The following UVRAG variants were observed in gnomAD, a reference collection of about 807,000 sequenced individuals.
UVRAG encodes UV radiation resistance associated.
Under a neutral mutation model 78.0 loss-of-function variants are expected in UVRAG, and 19 were observed. The ratio of observed to expected loss-of-function variants is 0.24; its 90% CI spans 0.17 to 0.36. UVRAG has a LOEUF of 0.36. UVRAG is among the 10% of genes least tolerant of loss of function. UVRAG has a pLI of 1.00. For synonymous variants in UVRAG, 323 were observed against 324.6 expected, an observed-to-expected ratio of 1.00 and a Z score of 0.05; for missense variants, 740 against 853.8, an observed-to-expected ratio of 0.87 and a Z score of 1.66.
intron 6 of UVRAG, among the ~76,000 whole-genome samples, chr11:75,928,380 AC>A (rs1451323596): frequency 6.6e-6 from 1 of 152,230 alleles, no homozygotes; most frequent in East Asian, 1.9e-4. Context: ...GAGGAGAAGG[AC>A]GGCTAATGAG....
chr11:75,839,368 C>T (rs1453008118), intron 1 of UVRAG, among the ~76,000 whole-genome samples: 4 of 151,482 alleles, frequency 2.6e-5, no homozygotes. Context: ...CATTTTTAGA[C>T]CTTTGTGTTT....
Position 76,062,115 on chromosome 11 carries a change from A to G in UVRAG, c.1227-3595A>G, listed in dbSNP as rs1156417455. On this transcript the variant is annotated intron_variant, in intron 12 of 14. Transcript: ENST00000356136. ...CAGGCATTGCCCGGCTTGTGGCTGC[A>G]TAACTAAGCTCTGCCTCCATCTGCA... 2.0e-5 allele frequency among the ~76,000 whole-genome samples: 3 copies of G among 152,282 alleles called. No individual in the cohort carries two copies. The East Asian group carries it at 5.8e-4, about 29-fold the overall frequency.
At chr11:76,053,821 T>A (rs1279684152) in intron 12 of UVRAG, among the ~76,000 whole-genome samples, 1 of 151,976 alleles carries the variant, frequency 6.6e-6, no homozygotes, top group Non-Finnish European at 1.5e-5. Flanking sequence ...ATACAAAAAA[T>A]TAGCCACACA....
At chr11:75,890,966 G>GT (rs1024376346) in intron 5 of UVRAG, among the ~76,000 whole-genome samples, 11 of 152,016 alleles carry the variant, frequency 7.2e-5, no homozygotes, top group African/African-American at 2.2e-4. Context: ...CTTTTTGCTT[G>GT]TTTTTTTAAG....
chr11:75,913,995 A>G (rs1947794249), intron 6 of UVRAG, among the ~76,000 whole-genome samples: 1 of 152,226 alleles, frequency 6.6e-6, no homozygotes, highest in Non-Finnish European at 1.5e-5. Context: ...TGCCTATTGT[A>G]CAATTCATGC....
intron 8 of UVRAG, among the ~76,000 whole-genome samples, chr11:75,992,472 T>G (rs1292811853): frequency 1.3e-5 from 2 of 152,212 alleles, no homozygotes; most frequent in African/African-American, 4.8e-5. Context: ...GGTTAGGATC[T>G]AATGTTGATA....
intron 1 of UVRAG, among the ~76,000 whole-genome samples, chr11:75,823,886 A>G (rs548347334): frequency 9.9e-5 from 15 of 152,174 alleles, no homozygotes; most frequent in Non-Finnish European, 1.8e-4. Flanking sequence ...GCCTAAAGAG[A>G]ACAAGGAAAG....
intron 6 of UVRAG, among the ~76,000 whole-genome samples, chr11:75,959,986 T>C (rs1166767636): frequency 1.3e-5 from 2 of 152,208 alleles, no homozygotes; most frequent in Non-Finnish European, 2.9e-5. Context: ...CACTATCTTA[T>C]ACGGGTACAG....
chr11:75,917,320 CAT>C (rs897807902), intron 6 of UVRAG, among the ~76,000 whole-genome samples: 21 of 152,274 alleles, frequency 1.4e-4, no homozygotes, highest in African/African-American at 2.9e-4. Context: ...AAATATTTAA[CAT>C]GTGTGTGTCT....
At chr11:75,957,115 T>C (rs1948814374) in intron 6 of UVRAG, among the ~76,000 whole-genome samples, 1 of 152,166 alleles carries the variant, frequency 6.6e-6, no homozygotes, top group Non-Finnish European at 1.5e-5. Flanking sequence ...ATTCTTTTTA[T>C]GTCTTCTCTA....
At position 75,888,901 on chromosome 11, in the gene UVRAG, A is replaced by G. The variant is rs1947153714; in HGVS notation, c.505A>G (p.Lys169Glu). 2 of 1,612,250 alleles carry G rather than the reference A, an allele frequency of 1.2e-6. No homozygotes were observed. The highest frequency in any genetic ancestry group is 2.7e-5 in the African/African-American group (2 of 74,854). ...ATACTATGGTGCTCCATTTGAACATAAGGTAAGAAGATCCTTCTAATGTTA... is the reference window on the plus strand; with the variant it reads ...ATACTATGGTGCTCCATTTGAACATGAGGTAAGAAGATCCTTCTAATGTTA... ...DGYYGAPFEHKGYSNAQKTIL... is the reference protein window; with the variant it reads ...DGYYGAPFEHEGYSNAQKTIL... Residue 169 changes from lysine to glutamate, a missense_variant and splice_region_variant, in exon 5 of 15, where the codon AAG becomes GAG. Physicochemically the swap from Lys to Glu is moderately conservative, Grantham distance 56 (BLOSUM62 1). Coordinates refer to ENST00000356136, the MANE Select transcript of UVRAG (RefSeq NM_003369.4).
At chr11:76,102,337 A>G (rs1360135785) in intron 13 of UVRAG, among the ~76,000 whole-genome samples, 1 of 152,038 alleles carries the variant, frequency 6.6e-6, no homozygotes, top group Non-Finnish European at 1.5e-5. Flanking sequence ...TTTTGGTGGC[A>G]ATTGTGAATG....
intron 7 of UVRAG, among the ~76,000 whole-genome samples, chr11:75,965,595 A>G (rs144767791): frequency 0.024 from 3,617 of 152,294 alleles, 139 homozygotes; most frequent in African/African-American, 0.082. Flanking sequence ...GATTACAGGC[A>G]TGAGCCACCG....
intron 13 of UVRAG, among the ~76,000 whole-genome samples, chr11:76,083,193 C>G (rs1387406813): frequency 6.6e-6 from 1 of 152,096 alleles, no homozygotes; most frequent in Non-Finnish European, 1.5e-5. Flanking sequence ...TCACAATAAC[C>G]TTTCAGGTTT....
Position 75,938,716 on chromosome 11 carries a change from C to T in UVRAG, c.594-22728C>T, listed in dbSNP as rs181128135. ...CTGCTTTTTGTTTCCTCTGTCTAAT[C>T]CTTTTAGATTGTCCTTTTCCTGGCC... is the stretch of plus-strand genomic sequence containing the variant. On this transcript the variant is annotated intron_variant, in intron 6 of 14. Transcript: ENST00000356136. 3.3e-4 allele frequency among the ~76,000 whole-genome samples: 50 copies of T among 152,294 alleles called. No individual in the cohort carries two copies. In the East Asian group the frequency reaches 7.3e-3, roughly 22 times the overall value.
chr11:76,085,305 G>C (rs535033333), intron 13 of UVRAG, among the ~76,000 whole-genome samples: 2 of 152,214 alleles, frequency 1.3e-5, no homozygotes, highest in South Asian at 4.1e-4. Flanking sequence ...TGCTGTTATT[G>C]CTTTCTCAGA....
At chr11:75,943,150 A>G (rs1213916960) in intron 6 of UVRAG, among the ~76,000 whole-genome samples, 1 of 152,252 alleles carries the variant, frequency 6.6e-6, no homozygotes. Flanking sequence ...TTTATACTAT[A>G]GCACCTATAA....
intron 6 of UVRAG, among the ~76,000 whole-genome samples, chr11:75,937,179 C>G (rs1948389814): frequency 6.6e-6 from 1 of 152,142 alleles, no homozygotes; most frequent in South Asian, 2.1e-4. Flanking sequence ...ACCAGCCTGG[C>G]CAACATGGTG....
At chr11:76,119,536 C>T (rs987136578) in intron 14 of UVRAG, among the ~76,000 whole-genome samples, 1 of 152,106 alleles carries the variant, frequency 6.6e-6, no homozygotes, top group Non-Finnish European at 1.5e-5. Flanking sequence ...CAGCTAAAAC[C>T]CTCCTTCCAC....
Sources: gnomAD v4.1 joint callset for allele counts (sites outside exome capture counted in the v4.1 genomes callset) on GRCh38, gnomAD v4.1.1 for gene constraint, MANE v1.5 for transcripts, NCBI Gene and HGNC (gene_info 2026-07-23, HGNC 2026-07-21) for gene names.